The following ADAMTS17 variants were observed in gnomAD, a reference collection of about 807,000 sequenced individuals.
ADAMTS17 encodes the protein A disintegrin and metalloproteinase with thrombospondin motifs 17.
ADAMTS17 carries 113 observed loss-of-function variants against 141.5 expected under a neutral mutation model. The observed-to-expected ratio is 0.80, with a 90% CI of 0.69 to 0.93. The LOEUF is 0.93. ADAMTS17 is among the 40% of genes least tolerant of loss of function. The pLI is 0.00. For synonymous variants in ADAMTS17, 768 were observed against 630.6 expected (o/e 1.22, Z -3.27); for missense variants, 1,659 against 1,517.9 (o/e 1.09, Z -1.54).
intron 12 of ADAMTS17, among the ~76,000 whole-genome samples, chr15:100,119,687 A>G (rs1202226521): frequency 6.6e-6 from 1 of 152,222 alleles, no homozygotes; most frequent in African/African-American, 2.4e-5. Flanking sequence ...GTGGGTCTGG[A>G]GGCGGAGCAC....
intron 3 of ADAMTS17, among the ~76,000 whole-genome samples, chr15:100,291,472 C>T (rs1472569156): frequency 6.6e-6 from 1 of 152,116 alleles, no homozygotes; most frequent in African/African-American, 2.4e-5. Flanking sequence ...CACAGAACTA[C>T]CATTCAACCC....
At chr15:100,030,385 A>G (rs1230438887) in intron 18 of ADAMTS17, among the ~76,000 whole-genome samples, 3 of 152,182 alleles carry the variant, frequency 2.0e-5, no homozygotes, top group Non-Finnish European at 4.4e-5. Flanking sequence ...TTAAACCCAA[A>G]TACAGGTTAG....
intron 15 of ADAMTS17, among the ~76,000 whole-genome samples, chr15:100,067,151 C>G (rs1008229423): frequency 1.4e-5 from 2 of 146,666 alleles, no homozygotes; most frequent in African/African-American, 2.5e-5. Flanking sequence ...CTAAGTGGCC[C>G]ATCTGTCTCA....
chr15:100,327,290 C>T (rs927164634), intron 3 of ADAMTS17, among the ~76,000 whole-genome samples: 6 of 152,234 alleles, frequency 3.9e-5, no homozygotes, highest in African/African-American at 1.4e-4. Context: ...TACTCATTGA[C>T]ATTACCTTTA....
Position 100,075,250 on chromosome 15 carries a change from C to G in ADAMTS17, c.2137+21106G>C, listed in dbSNP as rs578237692. Among the ~76,000 whole-genome samples the G allele has an allele frequency of 2.2e-3, 333 of 152,102 alleles. 2 individuals are homozygous for G. The highest frequency in any genetic ancestry group is 3.8e-3 in the Non-Finnish European group (255 of 67,976). On this transcript the variant is annotated intron_variant, in intron 15 of 21. Transcript: ENST00000268070. Reference sequence around the variant, plus strand: ...TACTTTTTACTCTCTAAGGTAATTCCTATAGTTGTTTTAGTTTTCATCCTA... The same window carrying G: ...TACTTTTTACTCTCTAAGGTAATTCGTATAGTTGTTTTAGTTTTCATCCTA...
chr15:100,337,357 G>T (rs1363175459), intron 2 of ADAMTS17, among the ~76,000 whole-genome samples: 1 of 152,340 alleles, frequency 6.6e-6, no homozygotes, highest in Non-Finnish European at 1.5e-5. Flanking sequence ...GAGTGAGGTG[G>T]GCTGGGCCAC....
At chr15:99,983,073 A>G (rs1009991568) in intron 20 of ADAMTS17, among the ~76,000 whole-genome samples, 4 of 152,204 alleles carry the variant, frequency 2.6e-5, no homozygotes, top group Non-Finnish European at 5.9e-5. Flanking sequence ...CGGCAAAAAG[A>G]GAAAAGGTGT....
At chr15:100,311,958 G>A (rs2045419793) in intron 3 of ADAMTS17, among the ~76,000 whole-genome samples, 3 of 152,182 alleles carry the variant, frequency 2.0e-5, no homozygotes, top group Admixed American at 2.0e-4. Context: ...AGTGCATGCT[G>A]GCTGGGGCTG....
intron 6 of ADAMTS17, among the ~76,000 whole-genome samples, chr15:100,255,505 C>G (rs979554111): frequency 6.6e-6 from 1 of 152,156 alleles, no homozygotes; most frequent in African/African-American, 2.4e-5. Context: ...AGAAGCAGCA[C>G]TGGCAGAGGG....
At position 100,137,414 on chromosome 15, in the gene ADAMTS17, G is replaced by C. The variant is rs1000554671; in HGVS notation, c.1474-4099C>G. 2.0e-5 allele frequency among the ~76,000 whole-genome samples: 3 copies of C among 152,138 alleles called. No individual in the cohort carries two copies. The South Asian group carries it at 6.2e-4, about 32-fold the overall frequency. On this transcript the variant is annotated intron_variant, in intron 10 of 21. Coordinates refer to ENST00000268070, the MANE Select transcript of ADAMTS17 (RefSeq NM_139057.4). ...AAACTGAGATATAAGAACTTCCAAA[G>C]GTAAAATGTTAAGCACAAAGAAAAA...
chr15:100,167,100 T>A (rs953094082), intron 8 of ADAMTS17, among the ~76,000 whole-genome samples: 3 of 152,234 alleles, frequency 2.0e-5, no homozygotes, highest in Non-Finnish European at 1.5e-5. Context: ...AACTAATTTT[T>A]AATTAAGAGA....
intron 15 of ADAMTS17, among the ~76,000 whole-genome samples, chr15:100,083,710 T>C (rs1020057282): frequency 5.3e-5 from 8 of 150,298 alleles, no homozygotes; most frequent in African/African-American, 1.7e-4. Context: ...GTTGGTGCCT[T>C]ATTGTTGTGC....
chr15:100,147,238 A>T (rs956516958), intron 10 of ADAMTS17, among the ~76,000 whole-genome samples: 14 of 151,982 alleles, frequency 9.2e-5, no homozygotes, highest in Non-Finnish European at 2.1e-4. Context: ...CTGTCCCCTT[A>T]TTTCTCAAAC....
intron 17 of ADAMTS17, 62 bp from the exon 18 acceptor site, chr15:100,049,054 T>G: frequency 6.2e-7 from 1 of 1,613,084 alleles, no homozygotes; most frequent in Non-Finnish European, 8.5e-7. Flanking sequence ...AAGGCTGGGC[T>G]TGCATGCCCA....
Position 99,991,657 on chromosome 15 carries a change from C to A in ADAMTS17, c.2949+1391G>T, listed in dbSNP as rs148247004. ...GAACCAGAAATACCATTTGACCCAGCAATCCCTTTACTGAATATATACCCA... is the reference window on the plus strand; with the variant it reads ...GAACCAGAAATACCATTTGACCCAGAAATCCCTTTACTGAATATATACCCA... On this transcript the variant is annotated intron_variant, in intron 20 of 21. Coordinates refer to ENST00000268070, the MANE Select transcript of ADAMTS17 (RefSeq NM_139057.4). 9.1e-3 allele frequency among the ~76,000 whole-genome samples: 1,387 copies of A among 152,318 alleles called. 24 individuals carry two copies. Among genetic ancestry groups the A allele is most frequent in the African/African-American group, 0.032 (1,318 of 41,560 alleles).
chr15:100,284,021 C>T (rs1028810902), intron 3 of ADAMTS17, among the ~76,000 whole-genome samples: 1 of 152,160 alleles, frequency 6.6e-6, no homozygotes, highest in African/African-American at 2.4e-5. Flanking sequence ...AGGATAATTG[C>T]TTGAACCTGG....
intron 15 of ADAMTS17, among the ~76,000 whole-genome samples, chr15:100,057,568 C>T (rs941549289): frequency 5.3e-5 from 8 of 152,164 alleles, no homozygotes; most frequent in Non-Finnish European, 8.8e-5. Context: ...TCTGTGAACA[C>T]CCACTGTGCC....
intron 20 of ADAMTS17, among the ~76,000 whole-genome samples, chr15:99,984,652 T>C (rs2727214): frequency 0.11 from 16,573 of 152,208 alleles, 2,796 homozygotes; most frequent in African/African-American, 0.36. Context: ...GGGCTACCCC[T>C]AAACTCATCT....
chr15:100,264,483 G>A (rs2142005990), intron 4 of ADAMTS17, among the ~76,000 whole-genome samples: 1 of 152,244 alleles, frequency 6.6e-6, no homozygotes, highest in East Asian at 1.9e-4. Context: ...AACACTGCCT[G>A]TCACGCCAAG....
Sources: gnomAD v4.1 joint callset for allele counts (sites outside exome capture counted in the v4.1 genomes callset) on GRCh38, gnomAD v4.1.1 for gene constraint, MANE v1.5 for transcripts, NCBI Gene and HGNC (gene_info 2026-07-23, HGNC 2026-07-21) for gene names.